TGFA: variants seen among roughly 807,000 people sequenced by gnomAD.
TGFA encodes the protein protransforming growth factor alpha.
Under a neutral mutation model 21.7 loss-of-function variants are expected in TGFA, and 12 were observed. That is an observed-to-expected ratio of 0.55 (90% CI 0.35 to 0.90). The LOEUF (loss-of-function observed/expected upper bound fraction) is 0.90. Ranked by LOEUF, TGFA falls within the 40% of genes least tolerant of loss-of-function variation. The probability of loss-of-function intolerance (pLI) is 0.01; values close to 1 mark genes in which losing one functional copy is unlikely to be tolerated. For synonymous variants in TGFA, 79 were observed against 88.1 expected (o/e 0.90, Z 0.58); for missense variants, 178 against 210.8 (o/e 0.84, Z 0.96).
At chr2:70,503,890 A>G (rs1671818036) in intron 2 of TGFA, among the ~76,000 whole-genome samples, 1 of 152,198 alleles carries the variant, frequency 6.6e-6, no homozygotes, top group South Asian at 2.1e-4. Context: ...GAGAGGGAAG[A>G]CTGCGTTTTC....
intron 1 of TGFA, among the ~76,000 whole-genome samples, chr2:70,545,875 C>T (rs901294213): frequency 6.6e-6 from 1 of 151,996 alleles, no homozygotes; most frequent in African/African-American, 2.4e-5. Context: ...CTATTCTTCT[C>T]ATATAAAGTG....
chr2:70,546,121 A>C (rs536409354), intron 1 of TGFA, among the ~76,000 whole-genome samples: 13 of 152,210 alleles, frequency 8.5e-5, no homozygotes, highest in Non-Finnish European at 1.3e-4. Context: ...CTAGAAATTT[A>C]TTCTAAATAT....
chr2:70,522,124 G>A (rs1481707140), intron 1 of TGFA, among the ~76,000 whole-genome samples: 4 of 152,182 alleles, frequency 2.6e-5, no homozygotes, highest in Admixed American at 1.3e-4. Flanking sequence ...AGGAGCTGTG[G>A]CTAAATCATC....
chr2:70,476,080 CAAAA>C (rs1175233983), intron 2 of TGFA, among the ~76,000 whole-genome samples: 11 of 55,650 alleles, frequency 2.0e-4, no homozygotes, highest in South Asian at 9.8e-4. Context: ...TAATTTTAAG[CAAAA>C]AAAAAAAAAA....
At chr2:70,466,081 A>G (rs964473553) in intron 2 of TGFA, among the ~76,000 whole-genome samples, 1 of 152,260 alleles carries the variant, frequency 6.6e-6, no homozygotes, top group Non-Finnish European at 1.5e-5. Context: ...GATAGCTGTC[A>G]TAAGAATCTG....
At chr2:70,480,409 C>T (rs1553495237) in intron 2 of TGFA, among the ~76,000 whole-genome samples, 2 of 152,268 alleles carry the variant, frequency 1.3e-5, no homozygotes, top group Admixed American at 1.3e-4. Context: ...GCCACCTGCA[C>T]GCTCACTGGC....
chr2:70,513,484 C>A (rs1286463093), intron 2 of TGFA, among the ~76,000 whole-genome samples: 1 of 152,200 alleles, frequency 6.6e-6, no homozygotes, highest in Non-Finnish European at 1.5e-5. Context: ...GAGGTGGACA[C>A]ACTTACACCT....
intron 2 of TGFA, among the ~76,000 whole-genome samples, chr2:70,469,186 G>A (rs1387421745): frequency 6.6e-6 from 1 of 152,126 alleles, no homozygotes; most frequent in African/African-American, 2.4e-5. Context: ...CCCCTACCCA[G>A]CCCAGACCTA....
At chr2:70,487,284 A>C (rs1446936591) in intron 2 of TGFA, among the ~76,000 whole-genome samples, 1 of 152,200 alleles carries the variant, frequency 6.6e-6, no homozygotes, top group African/African-American at 2.4e-5. Flanking sequence ...ACACTTCCCC[A>C]ACTCAATTAA....
At chr2:70,530,396 C>A (rs536142836) in intron 1 of TGFA, among the ~76,000 whole-genome samples, 5 of 152,230 alleles carry the variant, frequency 3.3e-5, no homozygotes, top group Non-Finnish European at 7.3e-5. Context: ...GGATCTCCAT[C>A]TAAGGCAGTG....
At chr2:70,538,209 C>T (rs1158441265) in intron 1 of TGFA, among the ~76,000 whole-genome samples, 2 of 152,194 alleles carry the variant, frequency 1.3e-5, no homozygotes, top group Admixed American at 6.5e-5. Context: ...TGTTACTATT[C>T]ATTGACAATG....
chr2:70,467,213 A>T (rs114625122), intron 2 of TGFA, among the ~76,000 whole-genome samples: 3,244 of 152,256 alleles, frequency 0.021, 50 homozygotes, highest in Non-Finnish European at 0.036. Context: ...AAATAATTTT[A>T]AAAAAAAGAT....
intron 2 of TGFA, among the ~76,000 whole-genome samples, chr2:70,490,690 T>C (rs1671409662): frequency 6.6e-6 from 1 of 152,170 alleles, no homozygotes; most frequent in Non-Finnish European, 1.5e-5. Context: ...TATGAATTGG[T>C]CTCTCTCTAA....
chr2:70,511,687 G>T (rs1559127792), intron 2 of TGFA, among the ~76,000 whole-genome samples: 1 of 152,170 alleles, frequency 6.6e-6, no homozygotes, highest in African/African-American at 2.4e-5. Flanking sequence ...TGTTACGAGT[G>T]AAGTGGGCTT....
chr2:70,455,476 A>G (rs1368045631), intron 4 of TGFA, among the ~76,000 whole-genome samples: 1 of 152,202 alleles, frequency 6.6e-6, no homozygotes, highest in African/African-American at 2.4e-5. Flanking sequence ...GAGTTAACCT[A>G]CACTGAATTG....
chr2:70,545,917 A>G (rs1338821402), intron 1 of TGFA, among the ~76,000 whole-genome samples: 1 of 152,204 alleles, frequency 6.6e-6, no homozygotes, highest in African/African-American at 2.4e-5. Context: ...AGGATGATCA[A>G]TCAATAAGAA....
intron 2 of TGFA, among the ~76,000 whole-genome samples, chr2:70,484,073 G>C (rs1671203529): frequency 6.6e-6 from 1 of 152,008 alleles, no homozygotes; most frequent in Admixed American, 6.6e-5. Context: ...CTGAATTTTT[G>C]GACACTCTGA....
chr2:70,475,261 A>G (rs1670887475), intron 2 of TGFA, among the ~76,000 whole-genome samples: 1 of 152,196 alleles, frequency 6.6e-6, no homozygotes, highest in Non-Finnish European at 1.5e-5. Flanking sequence ...AGGAGCAGCT[A>G]CTATTGGATT....
chr2:70,468,850 A>G (rs1055746436), intron 2 of TGFA, among the ~76,000 whole-genome samples: 4 of 152,222 alleles, frequency 2.6e-5, no homozygotes, highest in South Asian at 2.1e-4. Flanking sequence ...TTCATTAAAT[A>G]TTACAATGTA....
Sources: allele counts gnomAD v4.1 joint callset (sites outside exome capture counted in the v4.1 genomes callset), GRCh38; gene constraint gnomAD v4.1.1; transcripts MANE v1.5; gene names NCBI Gene and HGNC (gene_info 2026-07-23, HGNC 2026-07-21).